PTPRR: variants seen among roughly 807,000 people sequenced by gnomAD.
PTPRR encodes the protein receptor-type tyrosine-protein phosphatase R.
PTPRR carries 38 observed loss-of-function variants against 77.2 expected under a neutral mutation model. That is an observed-to-expected ratio of 0.49 (90% CI 0.38 to 0.65). The LOEUF (loss-of-function observed/expected upper bound fraction) is 0.65. Ranked by LOEUF, PTPRR falls within the 30% of genes least tolerant of loss-of-function variation. PTPRR has a pLI of 0.00. For missense variants in PTPRR, 744 were observed against 799.2 expected, an observed-to-expected ratio of 0.93 and a Z score of 0.83; for synonymous variants, 299 against 283.1, an observed-to-expected ratio of 1.06 and a Z score of -0.57.
intron 2 of PTPRR, among the ~76,000 whole-genome samples, chr12:70,822,151 C>T (rs1892027239): frequency 6.6e-6 from 1 of 152,050 alleles, no homozygotes; most frequent in Non-Finnish European, 1.5e-5. Context: ...GCAGAAAATG[C>T]AAAGGAAAGG....
At chr12:70,804,797 G>A (rs1424418429) in intron 2 of PTPRR, among the ~76,000 whole-genome samples, 2 of 152,084 alleles carry the variant, frequency 1.3e-5, no homozygotes, top group Non-Finnish European at 2.9e-5. Flanking sequence ...ATGAACGTGC[G>A]AACATATTGT....
chr12:70,697,453 C>T (rs1211499616), intron 8 of PTPRR, among the ~76,000 whole-genome samples: 1 of 152,076 alleles, frequency 6.6e-6, no homozygotes, highest in Non-Finnish European at 1.5e-5. Flanking sequence ...CGTATTGTAG[C>T]TACATGTCCC....
At chr12:70,666,941 T>A (rs1379516848) in intron 10 of PTPRR, among the ~76,000 whole-genome samples, 3 of 50,734 alleles carry the variant, frequency 5.9e-5, no homozygotes, top group Non-Finnish European at 1.0e-4. Context: ...TTCTGTTTTT[T>A]TTTTTTTTTT....
intron 2 of PTPRR, among the ~76,000 whole-genome samples, chr12:70,855,916 C>T (rs1051959937): frequency 6.6e-6 from 1 of 152,122 alleles, no homozygotes; most frequent in African/African-American, 2.4e-5. Flanking sequence ...TAGTTGGAGA[C>T]AATCTTCTGA....
intron 5 of PTPRR, among the ~76,000 whole-genome samples, chr12:70,746,676 C>T (rs949764165): frequency 6.6e-6 from 1 of 151,820 alleles, no homozygotes; most frequent in Non-Finnish European, 1.5e-5. Context: ...CCACTTTGCC[C>T]TCTTAAATTT....
intron 10 of PTPRR, among the ~76,000 whole-genome samples, chr12:70,677,692 A>C (rs1477346333): frequency 6.6e-6 from 1 of 152,152 alleles, no homozygotes; most frequent in East Asian, 1.9e-4. Context: ...CATTCTGTTA[A>C]CGTGATGTAT....
intron 2 of PTPRR, among the ~76,000 whole-genome samples, chr12:70,873,467 G>A (rs1592807022): frequency 6.6e-6 from 1 of 152,182 alleles, no homozygotes; most frequent in East Asian, 1.9e-4. Flanking sequence ...CAAGCTGGAT[G>A]AGATGCCCAT....
At chr12:70,734,790 G>A (rs1300846573) in intron 6 of PTPRR, among the ~76,000 whole-genome samples, 1 of 152,100 alleles carries the variant, frequency 6.6e-6, no homozygotes, top group East Asian at 1.9e-4. Context: ...GAGAAATTAT[G>A]CCAGGCCTGT....
intron 8 of PTPRR, among the ~76,000 whole-genome samples, chr12:70,692,132 G>T (rs1347219403): frequency 6.6e-6 from 1 of 152,098 alleles, no homozygotes; most frequent in East Asian, 1.9e-4. Context: ...TTTACTGCAG[G>T]ACTTCTCAGG....
chr12:70,889,795 TCTC>T (rs768144226), intron 2 of PTPRR, among the ~76,000 whole-genome samples: 4 of 152,128 alleles, frequency 2.6e-5, no homozygotes, highest in Middle Eastern at 3.4e-3. Flanking sequence ...TCCTGTTTCT[TCTC>T]CTCCATCTTC....
intron 2 of PTPRR, chr12:70,788,799 A>AGAGG: frequency 6.8e-7 from 1 of 1,475,762 alleles, no homozygotes; most frequent in Non-Finnish European, 9.1e-7. Flanking sequence ...TCTGCCTATC[A>AGAGG]TGAGAGATTA....
intron 2 of PTPRR, among the ~76,000 whole-genome samples, chr12:70,809,531 C>T (rs1298545325): frequency 6.6e-6 from 1 of 152,134 alleles, no homozygotes; most frequent in African/African-American, 2.4e-5. Flanking sequence ...CAGTAGATAG[C>T]TTGAACTTAT....
intron 6 of PTPRR, among the ~76,000 whole-genome samples, chr12:70,711,495 G>T (rs1192418178): frequency 1.3e-5 from 2 of 151,960 alleles, no homozygotes; most frequent in Non-Finnish European, 2.9e-5. Context: ...TTTAGGGGTA[G>T]TAGGATAACT....
chr12:70,671,491 C>T (rs542821345), intron 10 of PTPRR, among the ~76,000 whole-genome samples: 3 of 152,026 alleles, frequency 2.0e-5, no homozygotes, highest in East Asian at 1.9e-4. Flanking sequence ...AATTGTAACA[C>T]GCAAACAAAA....
chr12:70,838,690 AG>A (rs1437016805), intron 2 of PTPRR, among the ~76,000 whole-genome samples: 1 of 152,204 alleles, frequency 6.6e-6, no homozygotes, highest in Non-Finnish European at 1.5e-5. Context: ...AGCAAAGGCT[AG>A]TGAAGCTACC....
intron 2 of PTPRR, among the ~76,000 whole-genome samples, chr12:70,844,460 A>AATATTATAT (rs1219204352): frequency 1.3e-5 from 2 of 152,306 alleles, no homozygotes; most frequent in Non-Finnish European, 2.9e-5. Context: ...GAAGGTTTAT[A>AATATTATAT]ATATTATATA....
chr12:70,872,144 T>C (rs1892968167), intron 2 of PTPRR, among the ~76,000 whole-genome samples: 1 of 152,176 alleles, frequency 6.6e-6, no homozygotes, highest in African/African-American at 2.4e-5. Context: ...CTAAAGTTCA[T>C]TCTGTAAAAG....
intron 2 of PTPRR, among the ~76,000 whole-genome samples, chr12:70,883,325 A>G (rs1281970440): frequency 1.3e-5 from 2 of 152,060 alleles, no homozygotes; most frequent in Admixed American, 1.3e-4. Flanking sequence ...TAGAGGGGAA[A>G]CAGCAAGGAT....
intron 6 of PTPRR, among the ~76,000 whole-genome samples, chr12:70,714,972 G>A (rs1592698612): frequency 6.6e-6 from 1 of 152,088 alleles, no homozygotes; most frequent in Non-Finnish European, 1.5e-5. Flanking sequence ...GTGACAGAGT[G>A]AGACCCTGTC....
Sources: gnomAD v4.1 joint callset for allele counts (sites outside exome capture counted in the v4.1 genomes callset) on GRCh38, gnomAD v4.1.1 for gene constraint, MANE v1.5 for transcripts, NCBI Gene and HGNC (gene_info 2026-07-23, HGNC 2026-07-21) for gene names.